ANKRD26: variants seen among roughly 807,000 people sequenced by gnomAD.
ANKRD26 encodes ankyrin repeat domain-containing protein 26.
ANKRD26 carries 141 observed loss-of-function variants against 208.7 expected under a neutral mutation model. The observed-to-expected ratio is 0.68, with a 90% CI of 0.59 to 0.78. ANKRD26 has a LOEUF of 0.78. ANKRD26 is among the 30% of genes least tolerant of loss of function. The probability of loss-of-function intolerance (pLI) is 0.00; values close to 1 mark genes in which losing one functional copy is unlikely to be tolerated. For missense variants in ANKRD26, 1,889 were observed against 1,938.7 expected, an observed-to-expected ratio of 0.97 and a Z score of 0.48; for synonymous variants, 636 against 660.4, an observed-to-expected ratio of 0.96 and a Z score of 0.57.
At chr10:27,080,966 G>A in intron 6 of ANKRD26, 1 of 985,212 alleles carries the variant, frequency 1.0e-6, no homozygotes, top group Non-Finnish European at 1.2e-6. Flanking sequence ...ACCTGCCCTG[G>A]GCCACAGATC....
chr10:26,963,500 C>T, the ANKRD26 span, among the ~76,000 whole-genome samples: 1 of 152,154 alleles, frequency 6.6e-6, no homozygotes, highest in African/African-American at 2.4e-5. Flanking sequence ...GCTGATGATG[C>T]TACCATGCTG....
In ANKRD26 at chr10:27,046,541, G is replaced by A. The variant is rs762170183; in HGVS notation, c.1815-18C>T. 1 of 1,609,950 alleles carries A rather than the reference G, an allele frequency of 6.2e-7. No homozygotes were observed. The highest frequency in any genetic ancestry group is 1.1e-5 in the South Asian group (1 of 90,512). ...GACCACTACTTTAAAAAATCCATGG[G>A]AAATGACAGTTACATAAGAAAAAAG... On this transcript the variant is annotated intron_variant, in intron 17 of 33. Transcript: ENST00000376087.
chr10:27,075,154 CA>C (rs762971756), intron 9 of ANKRD26, among the ~76,000 whole-genome samples: 1 of 152,128 alleles, frequency 6.6e-6, no homozygotes, highest in Non-Finnish European at 1.5e-5. Context: ...ATACAATTCA[CA>C]AAGTTTATAA....
chr10:26,974,619 C>T (rs1187380818), exon 6 of ANKRD26, among the ~76,000 whole-genome samples: 4 of 152,298 alleles, frequency 2.6e-5, no homozygotes, highest in South Asian at 2.1e-4. Flanking sequence ...CGATTACAGG[C>T]GGGAGCCACC....
At position 27,093,744 on chromosome 10, in the gene ANKRD26, C is replaced by G. The variant is rs567197475; in HGVS notation, c.298G>C (p.Val100Leu). The G allele has an allele frequency of 2.5e-6, 4 of 1,614,228 alleles. No homozygotes were observed. In the South Asian group the frequency reaches 3.3e-5, roughly 13 times the overall value. The change falls in exon 2 of 34, where the codon GTG (valine) becomes CTG (leucine). Residue 100 changes from valine to leucine, a missense_variant. Physicochemically the swap from Val to Leu is conservative, Grantham distance 32. This residue lies in a region of ANKRD26 where 1,272 missense variants were observed against 1,273.8 expected (regional missense o/e 1.00). Transcript: ENST00000376087. ...NGHPEVVTLL[V>L]DRKCQLNVCD... ...ACATTGAGCTGGCATTTTCTGTCCA[C>G]CAGGAGAGTTACTACTTCTGGATGA...
At chr10:27,011,445 T>C (rs1011186906) in intron 32 of ANKRD26, among the ~76,000 whole-genome samples, 1 of 151,910 alleles carries the variant, frequency 6.6e-6, no homozygotes, top group African/African-American at 2.4e-5. Flanking sequence ...TGTAATTTGT[T>C]CCCCCAGTCA....
intron 5 of ANKRD26, among the ~76,000 whole-genome samples, chr10:26,993,941 G>C (rs550432315): frequency 6.6e-6 from 1 of 152,180 alleles, no homozygotes; most frequent in Non-Finnish European, 1.5e-5. Flanking sequence ...AGGGACAGAG[G>C]ATAAACAGAA....
the ANKRD26 span, among the ~76,000 whole-genome samples, chr10:26,968,321 C>A: frequency 6.6e-6 from 1 of 152,178 alleles, no homozygotes; most frequent in African/African-American, 2.4e-5. Context: ...CACTTCTGGG[C>A]ATCCTTTAGG....
At chr10:27,051,166 G>T in intron 16 of ANKRD26, 1 of 1,289,986 alleles carries the variant, frequency 7.8e-7, no homozygotes, top group Non-Finnish European at 1.0e-6. Flanking sequence ...TCTTCTTTTA[G>T]AGATACTTTT....
chr10:27,034,753 C>T (rs2053986921), intron 24 of ANKRD26, 43 bp downstream of exon 24: 1 of 1,334,832 alleles, frequency 7.5e-7, no homozygotes, highest in Admixed American at 2.0e-5. Flanking sequence ...TTTAAATTTT[C>T]TTTCAGGAGG....
intron 29 of ANKRD26, among the ~76,000 whole-genome samples, chr10:27,019,584 T>C (rs531760278): frequency 1.7e-4 from 26 of 152,272 alleles, no homozygotes; most frequent in Non-Finnish European, 3.1e-4. Flanking sequence ...TTTATTAAAG[T>C]CTTCTTGAGA....
intron 4 of ANKRD26, among the ~76,000 whole-genome samples, chr10:26,998,955 G>A (rs1240449477): frequency 2.6e-5 from 4 of 152,284 alleles, no homozygotes; most frequent in Middle Eastern, 3.4e-3. Context: ...AGCGGTATAC[G>A]TGGAGGTGGG....
chr10:27,092,812 G>C (rs2056343187), intron 3 of ANKRD26, among the ~76,000 whole-genome samples: 1 of 152,196 alleles, frequency 6.6e-6, no homozygotes, highest in African/African-American at 2.4e-5. Flanking sequence ...GCTGAGCACA[G>C]TGGCTCCCAC....
downstream of ANKRD26, among the ~76,000 whole-genome samples, chr10:27,003,278 C>G (rs918355987): frequency 9.2e-5 from 14 of 152,144 alleles, no homozygotes; most frequent in Non-Finnish European, 1.8e-4. Flanking sequence ...CTTGAAATGG[C>G]TACTACTGGC....
Position 27,004,279 on chromosome 10 carries a change from GTC to G in ANKRD26, c.*1309_*1310del, listed in dbSNP as rs1380167200. 8 of 152,032 alleles carry G rather than the reference GTC, an allele frequency of 5.3e-5. No individual in the cohort carries two copies. Among genetic ancestry groups the G allele is most frequent in the Admixed American group, 3.9e-4 (6 of 15,264 alleles). The allele number at this position is 152,032 out of a possible 1,614,324, so 9.4% of individuals were successfully genotyped here. A position where few individuals can be genotyped will look rare whatever the true frequency, so the allele number is the denominator to read the frequency against. On this transcript the variant is annotated 3_prime_UTR_variant, in exon 34 of 34. Coordinates refer to ENST00000376087, the MANE Select transcript of ANKRD26 (RefSeq NM_014915.3). ...ACTACCTCTTATAATCTTTCTGTAA[GTC>G]TGAAGTTGTCAAAATATAACATTTC...
chr10:26,975,359 G>T (rs2052208922), exon 6 of ANKRD26, among the ~76,000 whole-genome samples: 1 of 149,490 alleles, frequency 6.7e-6, no homozygotes, highest in Non-Finnish European at 1.5e-5. Flanking sequence ...CTCCTGAGTA[G>T]CTGGGACTGC....
intron 6 of ANKRD26, among the ~76,000 whole-genome samples, chr10:27,082,032 A>T (rs1036229023): frequency 7.0e-6 from 1 of 143,506 alleles, no homozygotes; most frequent in African/African-American, 2.6e-5. Context: ...CACCACGCCC[A>T]GCCCTATGCA....
chr10:27,093,341 A>T lies in ANKRD26; in HGVS notation c.531+8T>A. Reference sequence around the variant, plus strand: ...AATACTGTAAAAATAAAGTTGGTTGATCTATACCTTGTTTTTTGCTTCAAT... The same window carrying T: ...AATACTGTAAAAATAAAGTTGGTTGTTCTATACCTTGTTTTTTGCTTCAAT... On this transcript the variant is annotated splice_region_variant and intron_variant, in intron 3 of 33. Transcript: ENST00000376087. 1 of 1,612,640 alleles carries T rather than the reference A, an allele frequency of 6.2e-7. No homozygotes were observed. The highest frequency in any genetic ancestry group is 8.5e-7 in the Non-Finnish European group (1 of 1,179,152).
the ANKRD26 span, among the ~76,000 whole-genome samples, chr10:26,949,510 A>T: frequency 6.7e-4 from 102 of 151,922 alleles, no homozygotes; most frequent in African/African-American, 2.3e-3. Context: ...TTTATTTATT[A>T]ATTTATTTAT....
Sources: allele counts gnomAD v4.1 joint callset (sites outside exome capture counted in the v4.1 genomes callset), GRCh38; gene constraint gnomAD v4.1.1; regional missense constraint gnomAD v4.1.1; transcripts MANE v1.5; gene names NCBI Gene and HGNC (gene_info 2026-07-23, HGNC 2026-07-21).